The following UBA6 variants were observed in gnomAD, a reference collection of about 807,000 sequenced individuals.
The protein encoded by UBA6 is ubiquitin like modifier activating enzyme 6.
In UBA6, 87 loss-of-function variants were observed where a neutral mutation model predicts 148.3. The observed-to-expected ratio is 0.59, with a 90% CI of 0.49 to 0.70. The LOEUF is 0.70. Among genes scored for constraint, UBA6 ranks in the 30% least tolerant of loss-of-function variants. UBA6 has a pLI of 0.00. For missense variants in UBA6, 1,186 were observed against 1,241.2 expected (o/e 0.96, Z 0.67); for synonymous variants, 376 against 401.0 (o/e 0.94, Z 0.75).
At chr4:67,634,387 T>C (rs1176662490) in intron 21 of UBA6, 42 bp downstream of exon 21, 4 of 1,558,756 alleles carry the variant, frequency 2.6e-6, no homozygotes, top group African/African-American at 2.8e-5. Flanking sequence ...AAATATCTTC[T>C]TTCTCACTTC....
At chr4:67,637,242 G>A (rs1729180000) in intron 19 of UBA6, among the ~76,000 whole-genome samples, 1 of 149,480 alleles carries the variant, frequency 6.7e-6, no homozygotes, top group East Asian at 2.0e-4. Context: ...GCACCCGTCT[G>A]GCCAGCCGCC....
Position 67,663,967 on chromosome 4 carries a change from C to T in UBA6, c.898-20G>A, listed in dbSNP as rs1729927927. 4 of 1,600,962 alleles carry T rather than the reference C, an allele frequency of 2.5e-6. No homozygotes were observed. Among genetic ancestry groups the T allele is most frequent in the Non-Finnish European group, 3.4e-6 (4 of 1,170,392 alleles). On this transcript the variant is annotated intron_variant, in intron 10 of 32. Transcript: ENST00000322244. ...TGATTCCTGATAGGAAGGAAAAAGTCATTACTTCAGAGTGAGTGAGTGATT... is the reference window on the plus strand; with the variant it reads ...TGATTCCTGATAGGAAGGAAAAAGTTATTACTTCAGAGTGAGTGAGTGATT...
chr4:67,635,174 C>G (rs1729107021), intron 20 of UBA6, among the ~76,000 whole-genome samples: 1 of 151,930 alleles, frequency 6.6e-6, no homozygotes, highest in Non-Finnish European at 1.5e-5. Flanking sequence ...ATAGTTTGTT[C>G]TTATCAAACA....
rs778290993 is a variant in UBA6, at chr4:67,644,714, C to T, written c.1460G>A (p.Ser487Asn). 1.2e-6 allele frequency: 2 copies of T among 1,602,342 alleles called. No individual in the cohort carries two copies. The highest frequency in any genetic ancestry group is 1.1e-5 in the South Asian group (1 of 90,830). ...ATATCTTACCATTCCTTTCTCTTTG[C>T]TTGTGCCAACACCAAGTAAAGCAAA... ...KNFALLGVGT[S>N]KEKGMITVTD... The change falls in exon 17 of 33, where the codon AGC (serine) becomes AAC (asparagine). Residue 487 changes from serine to asparagine, a missense_variant. Physicochemically the swap from Ser to Asn is conservative, Grantham distance 46. Transcript: ENST00000322244.
chr4:67,694,535 G>C (rs1730785195), intron 2 of UBA6, among the ~76,000 whole-genome samples: 1 of 148,090 alleles, frequency 6.8e-6, no homozygotes, highest in Non-Finnish European at 1.5e-5. Context: ...GGGATTACAG[G>C]CGCCCGCCAC....
chr4:67,664,017 G>A, intron 10 of UBA6, 70 bp from the exon 11 acceptor site: 1 of 1,242,082 alleles, frequency 8.1e-7, no homozygotes, highest in South Asian at 1.4e-5. Flanking sequence ...ACTGTTACAT[G>A]TCAGTGCGCT....
intron 15 of UBA6, among the ~76,000 whole-genome samples, 156 bp downstream of exon 15, chr4:67,646,568 T>A (rs578170923): frequency 6.6e-6 from 1 of 152,326 alleles, no homozygotes; most frequent in Non-Finnish European, 1.5e-5. Flanking sequence ...TAAAGAGATA[T>A]GACATTATTA....
At position 67,663,196 on chromosome 4, in the gene UBA6, G is replaced by A; in HGVS notation, c.980C>T (p.Thr327Ile). Reference protein sequence around the residue: ...SNPEAPLEIHTAMLALDQFQE... With the variant: ...SNPEAPLEIHIAMLALDQFQE... ...AAACTGGTCCAAGGCAAGCATAGCT[G>A]TGTGAATCTCTAAAGGTGCCTATTG... The change falls in exon 12 of 33, where the codon ACA becomes ATA. Residue 327 changes from threonine to isoleucine, a missense_variant. Thr to Ile is a moderately conservative substitution (Grantham distance 89). Coordinates refer to ENST00000322244, the MANE Select transcript of UBA6 (RefSeq NM_018227.6). 1.2e-6 allele frequency: 2 copies of A among 1,611,304 alleles called. No individual in the cohort carries two copies. The highest frequency in any genetic ancestry group is 1.1e-5 in the South Asian group (1 of 90,486).
At position 67,615,379 on chromosome 4, in the gene UBA6, C is replaced by A. The variant is rs1045356143; in HGVS notation, c.*3618G>T. The A allele has an allele frequency of 1.3e-5, 2 of 152,192 alleles. No individual in the cohort carries two copies. The highest frequency in any genetic ancestry group is 2.9e-5 in the Non-Finnish European group (2 of 68,040). 9.4% of individuals were successfully genotyped at this position (152,192 alleles called of 1,614,324 possible). A position where few individuals can be genotyped will look rare whatever the true frequency, so the allele number is the denominator to read the frequency against. On this transcript the variant is annotated 3_prime_UTR_variant, in exon 33 of 33. Transcript: ENST00000322244. The stretch of plus-strand genomic sequence containing the variant: ...GATGCTGGTGCAATGTTTGTACAAC[C>A]TGCTGAACCATGAGCCAAATAAACC...
intron 32 of UBA6, among the ~76,000 whole-genome samples, chr4:67,621,063 T>A (rs1164592068): frequency 2.6e-5 from 4 of 152,202 alleles, no homozygotes; most frequent in Non-Finnish European, 4.4e-5. Flanking sequence ...TAAAAGCATT[T>A]TTAAATAACC....
At chr4:67,627,457 C>A (rs1482237258) in intron 27 of UBA6, among the ~76,000 whole-genome samples, 1 of 151,854 alleles carries the variant, frequency 6.6e-6, no homozygotes, top group Non-Finnish European at 1.5e-5. Flanking sequence ...GACTTTAACA[C>A]AGATAGAAGC....
chr4:67,629,744 A>C (rs559062166), intron 26 of UBA6, among the ~76,000 whole-genome samples: 2 of 152,184 alleles, frequency 1.3e-5, no homozygotes, highest in South Asian at 2.1e-4. Flanking sequence ...ATCAGACTGA[A>C]TGCCACTATT....
chr4:67,644,789 G>C lies in UBA6; in HGVS notation c.1396-11C>G. 6.6e-7 allele frequency: 1 copy of C among 1,506,794 alleles called. No individual in the cohort carries two copies. The highest frequency in any genetic ancestry group is 9.2e-7 in the Non-Finnish European group (1 of 1,084,774). 93.3% of individuals were successfully genotyped at this position (1,506,794 alleles called of 1,614,324 possible). On this transcript the variant is annotated splice_polypyrimidine_tract_variant and intron_variant, in intron 16 of 32. Coordinates refer to ENST00000322244, the MANE Select transcript of UBA6 (RefSeq NM_018227.6). ...GGCTCCACACCCTACCTATGGAGGA[G>C]AAAAATGGTATATATCAGATTAAAA...
At chr4:67,653,596 C>T (rs1269929108) in intron 13 of UBA6, among the ~76,000 whole-genome samples, 1 of 152,108 alleles carries the variant, frequency 6.6e-6, no homozygotes, top group African/African-American at 2.4e-5. Flanking sequence ...AGCAGAAAAG[C>T]CAAAAATTCT....
intron 2 of UBA6, among the ~76,000 whole-genome samples, chr4:67,687,034 G>GT (rs71219066): frequency 0.028 from 2,336 of 82,510 alleles, 187 homozygotes; most frequent in East Asian, 0.078. Context: ...TTAAGACTAT[G>GT]TTTTTTTTTT....
chr4:67,697,970 C>A (rs1730880956), intron 1 of UBA6, among the ~76,000 whole-genome samples: 5 of 152,172 alleles, frequency 3.3e-5, no homozygotes, highest in Admixed American at 2.0e-4. Context: ...GCCAATGTGT[C>A]CTGTCTCCCA....
At chr4:67,619,932 T>C (rs904628611) in intron 32 of UBA6, among the ~76,000 whole-genome samples, 3 of 152,200 alleles carry the variant, frequency 2.0e-5, no homozygotes, top group Non-Finnish European at 4.4e-5. Context: ...TCTACACTGC[T>C]CCTAGAATTC....
At chr4:67,627,816 T>C (rs1356623602) in intron 27 of UBA6, among the ~76,000 whole-genome samples, 8 of 151,686 alleles carry the variant, frequency 5.3e-5, no homozygotes, top group Non-Finnish European at 8.9e-5. Context: ...TTGTGGATGA[T>C]TTTTAGAGAA....
chr4:67,633,103 G>T (rs931043649), intron 23 of UBA6, among the ~76,000 whole-genome samples: 2 of 152,040 alleles, frequency 1.3e-5, no homozygotes, highest in East Asian at 1.9e-4. Context: ...TCAGATATGG[G>T]TGGAAATGGC....
Sources: gnomAD v4.1 joint callset for allele counts (sites outside exome capture counted in the v4.1 genomes callset) on GRCh38, gnomAD v4.1.1 for gene constraint, MANE v1.5 for transcripts, NCBI Gene and HGNC (gene_info 2026-07-23, HGNC 2026-07-21) for gene names.